Variants in GNAZ observed in about 807,000 individuals in gnomAD.
GNAZ encodes the protein G protein subunit alpha z.
In GNAZ, 3 loss-of-function variants were observed where a neutral mutation model predicts 25.4. That is an observed-to-expected ratio of 0.12 (90% CI 0.05 to 0.30). The LOEUF (loss-of-function observed/expected upper bound fraction) is 0.30, where lower values mean the gene tolerates loss of function less well. Among genes scored for constraint, GNAZ ranks in the 10% least tolerant of loss-of-function variants. The pLI is 1.00. For synonymous variants in GNAZ, 211 were observed against 205.7 expected, an observed-to-expected ratio of 1.03 and a Z score of -0.22; for missense variants, 241 against 501.8, an observed-to-expected ratio of 0.48 and a Z score of 4.97.
At chr22:23,096,492 G>A (rs992264444) in intron 2 of GNAZ, 74 bp downstream of exon 2, 17 of 1,431,408 alleles carry the variant, frequency 1.2e-5, no homozygotes, top group Non-Finnish European at 1.6e-5. Context: ...GACTCGTGAG[G>A]TCCAGGACAG....
intron 1 of GNAZ, 143 bp downstream of exon 1, chr22:23,070,713 C>G (rs567460002): frequency 1.3e-5 from 2 of 152,312 alleles, no homozygotes; most frequent in East Asian, 3.9e-4. Context: ...GTCAGGGATG[C>G]CCCTCAGGGG....
Position 23,104,628 on chromosome 22 carries a change from C to T in GNAZ, c.723+8210C>T, listed in dbSNP as rs573949218. ...AATCCAGTAACTGAAAAACAATTTT[C>T]CACTATCTAGAACAGACTCCAAGGT... On this transcript the variant is annotated intron_variant, in intron 2 of 2. Coordinates refer to ENST00000615612, the MANE Select transcript of GNAZ (RefSeq NM_002073.4). Among the ~76,000 whole-genome samples, 3 of 152,332 alleles carry T rather than the reference C, an allele frequency of 2.0e-5. No individual in the cohort carries two copies. The South Asian group carries it at 6.2e-4, about 32-fold the overall frequency.
At chr22:23,079,866 G>C (rs5759580) in intron 1 of GNAZ, among the ~76,000 whole-genome samples, 1 of 152,002 alleles carries the variant, frequency 6.6e-6, no homozygotes. Context: ...TGGGCATGTA[G>C]TGGACACCAC....
intron 1 of GNAZ, among the ~76,000 whole-genome samples, chr22:23,072,176 A>AC (rs1448494745): frequency 6.6e-6 from 1 of 151,968 alleles, no homozygotes; most frequent in African/African-American, 2.4e-5. Context: ...CACCCAGGCA[A>AC]CCCCCTTGTT....
At chr22:23,093,414 C>G (rs1464429837) in intron 1 of GNAZ, among the ~76,000 whole-genome samples, 1 of 152,222 alleles carries the variant, frequency 6.6e-6, no homozygotes, top group Non-Finnish European at 1.5e-5. Context: ...CTGCTCTGTT[C>G]CCAGTGGGGA....
rs1376897580 is a variant in GNAZ, at chr22:23,124,614, CTT to C, written c.*1185_*1186del. ...TATTTAAAGAGTAAATTATTTGTGG[CTT>C]TGCTGAGTGAAGGAAGGGGAGCAAG... On this transcript the variant is annotated 3_prime_UTR_variant, in exon 3 of 3. Transcript: ENST00000615612. The C allele has an allele frequency of 4.6e-6, 1 of 218,402 alleles. No homozygotes were observed. The highest frequency in any genetic ancestry group is 9.9e-6 in the Non-Finnish European group (1 of 101,354). 13.5% of individuals were successfully genotyped at this position (218,402 alleles called of 1,614,324 possible). A position where few individuals can be genotyped will look rare whatever the true frequency, so the allele number is the denominator to read the frequency against.
At chr22:23,105,604 T>A (rs1005361198) in intron 2 of GNAZ, among the ~76,000 whole-genome samples, 5 of 152,204 alleles carry the variant, frequency 3.3e-5, no homozygotes, top group African/African-American at 4.8e-5. Flanking sequence ...TTCCTGGGGA[T>A]CCTCTGGAGC....
chr22:23,107,210 C>T (rs1174567590), intron 2 of GNAZ, among the ~76,000 whole-genome samples: 3 of 152,144 alleles, frequency 2.0e-5, no homozygotes, highest in African/African-American at 2.4e-5. Flanking sequence ...AGGGGGCCAC[C>T]GGCAAGCAGA....
chr22:23,124,190 A>ATT lies in GNAZ; in HGVS notation c.*768_*769dup, dbSNP rs67228409. 9.9e-4 allele frequency: 140 copies of ATT among 141,706 alleles called. No homozygotes were observed. The highest frequency in any genetic ancestry group is 6.3e-3 in the African/African-American group (131 of 20,684). 8.8% of individuals were successfully genotyped at this position (141,706 alleles called of 1,614,324 possible). On this transcript the variant is annotated 3_prime_UTR_variant, in exon 3 of 3. Transcript: ENST00000615612. The stretch of plus-strand genomic sequence containing the variant: ...CAAAACCTGGTTTTCCTTCTCTGAC[A>ATT]TTTTTTTTTTGTTTTGTTTTTTGGT...
At chr22:23,110,246 A>G (rs1382850001) in intron 2 of GNAZ, among the ~76,000 whole-genome samples, 2 of 152,070 alleles carry the variant, frequency 1.3e-5, no homozygotes, top group African/African-American at 4.8e-5. Context: ...TTCCACATCT[A>G]GAATGGAAAT....
chr22:23,115,068 G>A (rs1569183895), intron 2 of GNAZ, among the ~76,000 whole-genome samples: 1 of 152,168 alleles, frequency 6.6e-6, no homozygotes, highest in East Asian at 1.9e-4. Flanking sequence ...CCCTAGTTGG[G>A]CCAGCTGGCC....
chr22:23,090,488 G>A (rs768551132), intron 1 of GNAZ, among the ~76,000 whole-genome samples: 1 of 152,140 alleles, frequency 6.6e-6, no homozygotes, highest in Non-Finnish European at 1.5e-5. Context: ...GTCACACAGG[G>A]CAGGTCATGG....
In GNAZ at chr22:23,088,681, T is replaced by A. The variant is rs62220910; in HGVS notation, c.-449-6566T>A. ...TCTGAAATGGGTTCCATGACTCCTG[T>A]TGCCACCCCAAGCCTGGGACAGTGG... On this transcript the variant is annotated intron_variant, in intron 1 of 2. Transcript: ENST00000615612. Among the ~76,000 whole-genome samples, 261 of 152,256 alleles carry A rather than the reference T, an allele frequency of 1.7e-3. 1 individual carries two copies. The highest frequency in any genetic ancestry group is 0.014 in the Middle Eastern group (4 of 294).
At chr22:23,100,889 C>T (rs2069283535) in intron 2 of GNAZ, among the ~76,000 whole-genome samples, 1 of 152,210 alleles carries the variant, frequency 6.6e-6, no homozygotes, top group African/African-American at 2.4e-5. Flanking sequence ...CAAGGCCGTC[C>T]TGTGAACACA....
At chr22:23,096,632 C>T (rs767390861) in intron 2 of GNAZ, among the ~76,000 whole-genome samples, 1 of 152,156 alleles carries the variant, frequency 6.6e-6, no homozygotes, top group Non-Finnish European at 1.5e-5. Flanking sequence ...CTGAAGTACT[C>T]AGGGTGTGGA....
intron 1 of GNAZ, among the ~76,000 whole-genome samples, chr22:23,083,547 G>A (rs895204923): frequency 1.3e-5 from 2 of 152,170 alleles, no homozygotes; most frequent in East Asian, 1.9e-4. Context: ...CACCTGCTTC[G>A]AGGGAAGCAG....
At chr22:23,099,565 G>C (rs550951921) in intron 2 of GNAZ, among the ~76,000 whole-genome samples, 1 of 152,348 alleles carries the variant, frequency 6.6e-6, no homozygotes, top group East Asian at 1.9e-4. Context: ...ACAGATCGAG[G>C]CACTGAGGCT....
chr22:23,119,089 C>G (rs913516131), intron 2 of GNAZ, among the ~76,000 whole-genome samples: 1 of 152,226 alleles, frequency 6.6e-6, no homozygotes, highest in Non-Finnish European at 1.5e-5. Flanking sequence ...GTCACAGTTT[C>G]CAGAGCTACA....
intron 2 of GNAZ, among the ~76,000 whole-genome samples, chr22:23,111,982 G>C (rs2146365068): frequency 6.6e-6 from 1 of 152,304 alleles, no homozygotes; most frequent in East Asian, 1.9e-4. Context: ...CCCATCCTTA[G>C]ACCAGTCCTC....
Sources: allele counts gnomAD v4.1 joint callset (sites outside exome capture counted in the v4.1 genomes callset), GRCh38; gene constraint gnomAD v4.1.1; transcripts MANE v1.5; gene names NCBI Gene and HGNC (gene_info 2026-07-23, HGNC 2026-07-21).